Variants in CATSPERB observed in about 807,000 individuals in gnomAD.
CATSPERB encodes cation channel sperm-associated auxiliary subunit beta.
In CATSPERB, 93 loss-of-function variants were observed where a neutral mutation model predicts 128.3. That is an observed-to-expected ratio of 0.72 (90% CI 0.61 to 0.86). CATSPERB has a LOEUF of 0.86. CATSPERB is among the 40% of genes least tolerant of loss of function. The probability of loss-of-function intolerance (pLI) is 0.00; values close to 1 mark genes in which losing one functional copy is unlikely to be tolerated. For missense variants in CATSPERB, 1,153 were observed against 1,329.5 expected, an observed-to-expected ratio of 0.87 and a Z score of 2.06; for synonymous variants, 381 against 448.8, an observed-to-expected ratio of 0.85 and a Z score of 1.91.
At chr14:91,713,100 TATG>T (rs1389530323) in intron 5 of CATSPERB, among the ~76,000 whole-genome samples, 2 of 152,222 alleles carry the variant, frequency 1.3e-5, no homozygotes, top group African/African-American at 4.8e-5. Context: ...TTGTATGTTA[TATG>T]ATATCTGTTA....
At chr14:91,655,218 C>T (rs767331620) in intron 15 of CATSPERB, among the ~76,000 whole-genome samples, 18 of 152,188 alleles carry the variant, frequency 1.2e-4, no homozygotes, top group Non-Finnish European at 1.9e-4. Flanking sequence ...AAGACAGGTA[C>T]GAACAAGCCC....
At chr14:91,689,124 A>G (rs1895423187) in intron 10 of CATSPERB, among the ~76,000 whole-genome samples, 2 of 152,088 alleles carry the variant, frequency 1.3e-5, no homozygotes, top group Admixed American at 1.3e-4. Context: ...GTCTCCTTCA[A>G]CCTGCCTACC....
chr14:91,582,630 CTTT>C (rs1230752142), intron 26 of CATSPERB, among the ~76,000 whole-genome samples: 2 of 152,156 alleles, frequency 1.3e-5, no homozygotes, highest in African/African-American at 4.8e-5. Context: ...CTGTGCCCAC[CTTT>C]GAGTGGTACC....
chr14:91,609,689 C>A (rs909992726), intron 21 of CATSPERB, among the ~76,000 whole-genome samples: 2 of 152,120 alleles, frequency 1.3e-5, no homozygotes, highest in Non-Finnish European at 2.9e-5. Context: ...GCATTCATGA[C>A]ATATCCAACT....
In CATSPERB at chr14:91,604,319, T is replaced by A. The variant is rs191224163; in HGVS notation, c.2709+3975A>T. 1.2e-4 allele frequency: 93 copies of A among 744,766 alleles called. 1 individual carries two copies. Among genetic ancestry groups the A allele is most frequent in the Admixed American group, 7.9e-4 (44 of 55,818 alleles). The allele number at this position is 744,766 out of a possible 1,614,324, so 46.1% of individuals were successfully genotyped here. On this transcript the variant is annotated intron_variant, in intron 22 of 26. Coordinates refer to ENST00000256343, the MANE Select transcript of CATSPERB (RefSeq NM_024764.4). ...ACATGTGGTTTCCAAACAAGAAAAA[T>A]CCTATGAGGGATGGGAGGAGGGGAG...
At chr14:91,688,866 A>G (rs1175464522) in intron 10 of CATSPERB, among the ~76,000 whole-genome samples, 1 of 151,474 alleles carries the variant, frequency 6.6e-6, no homozygotes, top group Non-Finnish European at 1.5e-5. Flanking sequence ...GTATCTGTGA[A>G]ATGATTTTAT....
At chr14:91,645,707 A>C (rs758886826) in intron 15 of CATSPERB, among the ~76,000 whole-genome samples, 3,265 of 134,548 alleles carry the variant, frequency 0.024, 70 homozygotes, top group South Asian at 0.11. Flanking sequence ...AGAGGCAGGC[A>C]GACCTCCTTG....
intron 5 of CATSPERB, among the ~76,000 whole-genome samples, chr14:91,718,917 C>A (rs1362739347): frequency 2.0e-5 from 3 of 152,100 alleles, no homozygotes; most frequent in Non-Finnish European, 4.4e-5. Context: ...GCCTACAGAT[C>A]TACTAGGTCA....
intron 15 of CATSPERB, among the ~76,000 whole-genome samples, chr14:91,649,075 G>A (rs1566717958): frequency 6.6e-6 from 1 of 151,478 alleles, no homozygotes; most frequent in African/African-American, 2.4e-5. Context: ...TGACAAGTGT[G>A]TAAGTTCCAC....
chr14:91,618,872 G>A (rs563670433), intron 19 of CATSPERB, among the ~76,000 whole-genome samples: 32 of 152,338 alleles, frequency 2.1e-4, no homozygotes, highest in African/African-American at 7.0e-4. Context: ...TTGAAATACA[G>A]ATTGAGCAGG....
At chr14:91,657,482 C>A (rs950657147) in intron 15 of CATSPERB, among the ~76,000 whole-genome samples, 1 of 151,894 alleles carries the variant, frequency 6.6e-6, no homozygotes, top group Non-Finnish European at 1.5e-5. Context: ...AAGTAATATC[C>A]CACAAACACA....
chr14:91,685,366 G>C (rs1353504197), intron 10 of CATSPERB, among the ~76,000 whole-genome samples: 1 of 152,162 alleles, frequency 6.6e-6, no homozygotes, highest in African/African-American at 2.4e-5. Flanking sequence ...GAGGTCCAGA[G>C]AGTTATACAA....
At chr14:91,655,969 C>T (rs143017187) in intron 15 of CATSPERB, among the ~76,000 whole-genome samples, 2 of 152,086 alleles carry the variant, frequency 1.3e-5, no homozygotes, top group Non-Finnish European at 2.9e-5. Flanking sequence ...CAATAACATA[C>T]AAAGGAGCCC....
At chr14:91,602,912 C>G (rs933695033) in intron 22 of CATSPERB, among the ~76,000 whole-genome samples, 1 of 152,068 alleles carries the variant, frequency 6.6e-6, no homozygotes, top group Admixed American at 6.5e-5. Context: ...TCATCATCAC[C>G]TTCTCTACTT....
intron 24 of CATSPERB, among the ~76,000 whole-genome samples, chr14:91,588,802 A>C (rs1389749892): frequency 1.3e-5 from 2 of 152,224 alleles, no homozygotes. Flanking sequence ...CATACCACAG[A>C]AAATGGGGAT....
chr14:91,674,341 T>C (rs1566727292), intron 11 of CATSPERB, 119 bp from the exon 12 acceptor site: 1 of 633,998 alleles, frequency 1.6e-6, no homozygotes, highest in East Asian at 3.1e-5. Flanking sequence ...AGTAAACTTA[T>C]GGTAAATGAA....
At chr14:91,711,562 T>G (rs1293627634) in intron 5 of CATSPERB, among the ~76,000 whole-genome samples, 1 of 152,192 alleles carries the variant, frequency 6.6e-6, no homozygotes, top group Non-Finnish European at 1.5e-5. Context: ...ACTTCCATTC[T>G]GCTGATGAAA....
intron 14 of CATSPERB, among the ~76,000 whole-genome samples, chr14:91,665,931 A>G (rs1384554760): frequency 6.6e-6 from 1 of 152,202 alleles, no homozygotes; most frequent in South Asian, 2.1e-4. Context: ...ATCTTGAATT[A>G]TAATCCCCAT....
At chr14:91,586,166 C>T (rs1704667) in intron 26 of CATSPERB, among the ~76,000 whole-genome samples, 105,399 of 152,070 alleles carry the variant, frequency 0.69, 37,062 homozygotes, top group East Asian at 0.96. Flanking sequence ...TGCTAGTTTA[C>T]ATAAAGAATC....
Sources: allele counts gnomAD v4.1 joint callset (sites outside exome capture counted in the v4.1 genomes callset), GRCh38; gene constraint gnomAD v4.1.1; transcripts MANE v1.5; gene names NCBI Gene and HGNC (gene_info 2026-07-23, HGNC 2026-07-21).